TSPEAR: variants seen among roughly 807,000 people sequenced by gnomAD.
The protein encoded by TSPEAR is thrombospondin type laminin G domain and EAR repeats.
TSPEAR carries 69 observed loss-of-function variants against 71.6 expected under a neutral mutation model. The observed-to-expected ratio is 0.96, with a 90% CI of 0.79 to 1.18. TSPEAR has a LOEUF of 1.18. Ranked by LOEUF, TSPEAR falls within the 50% of genes most tolerant of loss-of-function variation. The pLI is 0.00. For synonymous variants in TSPEAR, 402 were observed against 387.2 expected (o/e 1.04, Z -0.45); for missense variants, 971 against 894.9 (o/e 1.09, Z -1.09).
intron 1 of TSPEAR, chr21:44,574,685 C>A (rs1555923526): frequency 6.2e-7 from 1 of 1,606,682 alleles, no homozygotes; most frequent in African/African-American, 1.3e-5. Flanking sequence ...CTTGCTGCAC[C>A]TCCTCCCAAA....
intron 1 of TSPEAR, among the ~76,000 whole-genome samples, chr21:44,595,375 G>A (rs1980295879): frequency 6.6e-6 from 1 of 152,172 alleles, no homozygotes; most frequent in African/African-American, 2.4e-5. Context: ...CAGGGTTATG[G>A]TCTCATGAGC....
chr21:44,539,326 G>A (rs370727588), intron 2 of TSPEAR: 104 of 1,611,932 alleles, frequency 6.5e-5, no homozygotes, highest in African/African-American at 1.5e-4. Context: ...GGGAGCACGC[G>A]GGGCGGCAGA....
At chr21:44,685,995 G>A (rs1555948873) in intron 1 of TSPEAR, among the ~76,000 whole-genome samples, 3 of 152,172 alleles carry the variant, frequency 2.0e-5, no homozygotes, top group African/African-American at 7.2e-5. Flanking sequence ...TCCACAATAT[G>A]GAGCCCAGTA....
intron 1 of TSPEAR, among the ~76,000 whole-genome samples, chr21:44,590,338 T>TG (rs35991932): frequency 0.087 from 13,244 of 151,870 alleles, 779 homozygotes; most frequent in East Asian, 0.2. Context: ...GAGGGCTATT[T>TG]GGAGAGACCT....
At chr21:44,517,394 T>G (rs1555913588) in intron 9 of TSPEAR, 1 of 209,168 alleles carries the variant, frequency 4.8e-6, no homozygotes, top group African/African-American at 2.3e-5. Context: ...CAATGAGCTG[T>G]GAGTACACGT....
At chr21:44,638,405 C>A in intron 1 of TSPEAR, 1 of 399,782 alleles carries the variant, frequency 2.5e-6, no homozygotes, top group Non-Finnish European at 4.8e-6. Context: ...TGGTTCCACC[C>A]TGGGCAGCAC....
chr21:44,697,325 T>A (rs1342105071), intron 1 of TSPEAR: 5 of 1,613,330 alleles, frequency 3.1e-6, no homozygotes, highest in Non-Finnish European at 4.2e-6. Flanking sequence ...GCCCCCCTGC[T>A]GCGCCCCGGC....
At chr21:44,641,554 G>A (rs1283260348) in intron 1 of TSPEAR, among the ~76,000 whole-genome samples, 1 of 152,160 alleles carries the variant, frequency 6.6e-6, no homozygotes, top group Non-Finnish European at 1.5e-5. Context: ...GATCGCAGTG[G>A]GGAGAAAATC....
chr21:44,501,429 A>G (rs2052027596), intron 11 of TSPEAR, among the ~76,000 whole-genome samples: 1 of 152,148 alleles, frequency 6.6e-6, no homozygotes, highest in African/African-American at 2.4e-5. Flanking sequence ...CCCCATCTCT[A>G]CTAAAAAATA....
intron 1 of TSPEAR, among the ~76,000 whole-genome samples, chr21:44,578,324 T>C (rs1978602557): frequency 6.6e-6 from 1 of 152,192 alleles, no homozygotes; most frequent in East Asian, 1.9e-4. Context: ...GCATCATTTA[T>C]GAAAAGGGAT....
intron 1 of TSPEAR, among the ~76,000 whole-genome samples, chr21:44,588,676 A>ATATATATATATTTATT (rs1156652516): frequency 2.1e-4 from 29 of 141,434 alleles, no homozygotes; most frequent in African/African-American, 3.1e-4. Flanking sequence ...TATATATAAT[A>ATATATATATATTTATT]TATATATATT....
chr21:44,643,515 T>C (rs1274932209), intron 1 of TSPEAR, among the ~76,000 whole-genome samples: 3 of 152,246 alleles, frequency 2.0e-5, no homozygotes, highest in Non-Finnish European at 4.4e-5. Context: ...CGTCATGTTG[T>C]ATACCTTGAA....
intron 1 of TSPEAR, among the ~76,000 whole-genome samples, chr21:44,594,736 C>G (rs1980243608): frequency 6.6e-6 from 1 of 152,138 alleles, no homozygotes; most frequent in Admixed American, 6.5e-5. Context: ...GCTGTGCTTC[C>G]CGGCCTGCAG....
At chr21:44,601,399 C>A (rs782637805) in intron 1 of TSPEAR, 2 of 1,612,042 alleles carry the variant, frequency 1.2e-6, no homozygotes, top group Non-Finnish European at 1.7e-6. Context: ...CACCTCCTCC[C>A]AAAGCCAGCA....
At chr21:44,680,018 A>G (rs1212223100) in intron 1 of TSPEAR, among the ~76,000 whole-genome samples, 2 of 152,340 alleles carry the variant, frequency 1.3e-5, no homozygotes, top group African/African-American at 4.8e-5. Context: ...ACAGGCAACA[A>G]AAACCAAAAT....
rs35449326 is a variant in TSPEAR at position 44,525,865 on chromosome 21, G to C, written c.1150-26C>G. The stretch of plus-strand genomic sequence containing the variant: ...CTGAAAGAGAGTAAACCGGGACCAC[G>C]TGGTTCTGCTTGGGTCGGTGCCAGC... On this transcript the variant is annotated intron_variant, in intron 7 of 11. Coordinates refer to ENST00000323084, the MANE Select transcript of TSPEAR (RefSeq NM_144991.3). 8,116 of 1,612,682 alleles carry C rather than the reference G, an allele frequency of 5.0e-3. 31 individuals carry two copies. Among genetic ancestry groups the C allele is most frequent in the Non-Finnish European group, 6.0e-3 (7,090 of 1,179,054 alleles).
In TSPEAR at chr21:44,568,006, C is replaced by T; in HGVS notation, c.83-1G>A. Reference sequence around the variant, plus strand: ...GCCAGGATGTCCAGGGGGCGCAGGTCTGTGGCAAAGAAATCACAGGTGGGT... The same window carrying T: ...GCCAGGATGTCCAGGGGGCGCAGGTTTGTGGCAAAGAAATCACAGGTGGGT... On this transcript the variant is annotated splice_acceptor_variant, in intron 1 of 11. Transcript: ENST00000323084. LOFTEE classifies it high-confidence loss of function. 1 of 1,513,246 alleles carries T rather than the reference C, an allele frequency of 6.6e-7. No homozygotes were observed. Among genetic ancestry groups the T allele is most frequent in the South Asian group, 1.3e-5 (1 of 75,268 alleles). The allele number at this position is 1,513,246 out of a possible 1,614,324, so 93.7% of individuals were successfully genotyped here. A position where few individuals can be genotyped will look rare whatever the true frequency, so the allele number is the denominator to read the frequency against.
intron 1 of TSPEAR, among the ~76,000 whole-genome samples, chr21:44,625,430 A>C (rs1466960610): frequency 1.3e-5 from 2 of 150,006 alleles, no homozygotes; most frequent in African/African-American, 2.4e-5. Context: ...TGGTCTCTAC[A>C]AAAAAAATTT....
In TSPEAR at chr21:44,623,175, C is replaced by T. The variant is rs1487025093; in HGVS notation, c.83-55170G>A. Among the ~76,000 whole-genome samples, 1 of 152,132 alleles carries T rather than the reference C, an allele frequency of 6.6e-6. No individual in the cohort carries two copies. Among genetic ancestry groups the T allele is most frequent in the African/African-American group, 2.4e-5 (1 of 41,410 alleles). On this transcript the variant is annotated intron_variant, in intron 1 of 11. Transcript: ENST00000323084. The surrounding 1 kb of genome is among the most constrained non-coding windows in gnomAD (Gnocchi z 4.5). The stretch of plus-strand genomic sequence containing the variant: ...TCTCAAATATTTCTTTATAGCAATG[C>T]GAGACCAGCTTAACACAGTGAGGTT...
Sources: allele counts gnomAD v4.1 joint callset (sites outside exome capture counted in the v4.1 genomes callset), GRCh38; gene constraint gnomAD v4.1.1; non-coding constraint Gnocchi (gnomAD v3.1); transcripts MANE v1.5; gene names NCBI Gene and HGNC (gene_info 2026-07-23, HGNC 2026-07-21).